KIFC1: variants seen among roughly 807,000 people sequenced by gnomAD.
KIFC1 encodes the protein kinesin family member C1.
In KIFC1, 37 loss-of-function variants were observed where a neutral mutation model predicts 66.6. That is an observed-to-expected ratio of 0.56 (90% CI 0.43 to 0.73). The LOEUF (loss-of-function observed/expected upper bound fraction) is 0.73, where lower values mean the gene tolerates loss of function less well. Ranked by LOEUF, KIFC1 falls within the 30% of genes least tolerant of loss-of-function variation. KIFC1 has a pLI of 0.00. For missense variants in KIFC1, 721 were observed against 859.8 expected (o/e 0.84, Z 2.02); for synonymous variants, 325 against 343.5 (o/e 0.95, Z 0.60).
chr6:33,392,873 G>C (rs1774858074), intron 1 of KIFC1, among the ~76,000 whole-genome samples: 1 of 152,206 alleles, frequency 6.6e-6, no homozygotes, highest in Non-Finnish European at 1.5e-5. Context: ...CTACATGCTA[G>C]GCGTGGTTGT....
chr6:33,406,291 A>G lies in KIFC1; in HGVS notation c.1632A>G (p.Leu544=). The G allele has an allele frequency of 6.2e-7, 1 of 1,614,172 alleles. No individual in the cohort carries two copies. Among genetic ancestry groups the G allele is most frequent in the Non-Finnish European group, 8.5e-7 (1 of 1,180,024 alleles). The change falls in exon 8 of 11, where the codon CTA becomes CTG. Residue 544 remains leucine, a synonymous_variant. Transcript: ENST00000428849. The surrounding 1 kb of genome is among the most constrained non-coding windows in gnomAD (Gnocchi z 4.5). ...CACGCAGCCACAGTGTATTCCAGCTACAGATTTCTGGGGAGCACTCCAGCC... is the reference window on the plus strand; with the variant it reads ...CACGCAGCCACAGTGTATTCCAGCTGCAGATTTCTGGGGAGCACTCCAGCC... ...RSSRSHSVFQ[L]QISGEHSSRG...
At position 33,404,115 on chromosome 6, in the gene KIFC1, C is replaced by A. The variant is rs747573670; in HGVS notation, c.742C>A (p.Leu248Ile). 29 of 1,609,874 alleles carry A rather than the reference C, an allele frequency of 1.8e-5. No homozygotes were observed. In the East Asian group the frequency reaches 6.5e-4, roughly 36 times the overall value. ...AGAACGGAGGGGACTGATGTCCCAA[C>A]TAGAGGAGAAGGAGGTAAGGGCCAG... is the stretch of plus-strand genomic sequence containing the variant. ...QEERRGLMSQ[L>I]EEKERRLQTS... The change falls in exon 6 of 11, where the codon CTA becomes ATA. Residue 248 changes from leucine (L) to isoleucine (I), a missense_variant. Transcript: ENST00000428849. This position sits in a 1 kb window ranked among gnomAD's most constrained non-coding sequence, Gnocchi z 4.0.
chr6:33,391,718 G>A (rs575967860), upstream of KIFC1: 7 of 598,010 alleles, frequency 1.2e-5, no homozygotes, highest in East Asian at 1.1e-4. Flanking sequence ...GTCGGGCGGG[G>A]TGTGGCTTCG....
rs1775636969 is a variant in KIFC1 at position 33,406,109 on chromosome 6, G to T, written c.1537-87G>T. The T allele has an allele frequency of 7.2e-6, 9 of 1,252,232 alleles. No individual in the cohort carries two copies. The South Asian group carries it at 1.2e-4, about 16-fold the overall frequency. 77.6% of individuals were successfully genotyped at this position (1,252,232 alleles called of 1,614,324 possible). A position where few individuals can be genotyped will look rare whatever the true frequency, so the allele number is the denominator to read the frequency against. On this transcript the variant is annotated intron_variant, in intron 7 of 10. Transcript: ENST00000428849. This position sits in a 1 kb window ranked among gnomAD's most constrained non-coding sequence, Gnocchi z 4.5. ...TGACAGGCTAGAAAGCTTCAAGAGGGTGGGGGTGGGCTCTTATTCATTTCC... is the reference window on the plus strand; with the variant it reads ...TGACAGGCTAGAAAGCTTCAAGAGGTTGGGGGTGGGCTCTTATTCATTTCC...
Position 33,403,305 on chromosome 6 carries a change from C to T in KIFC1, c.251-9C>T, listed in dbSNP as rs376327627. On this transcript the variant is annotated splice_polypyrimidine_tract_variant and intron_variant, in intron 3 of 10. Coordinates refer to ENST00000428849, the MANE Select transcript of KIFC1 (RefSeq NM_002263.4). This position sits in a 1 kb window ranked among gnomAD's most constrained non-coding sequence, Gnocchi z 4.6. ...ATTCTACCTTTGCTCTCTCCCATCT[C>T]CTGGGCAGCTCAAAAAGTTTCCAAG... The T allele has an allele frequency of 3.7e-6, 6 of 1,612,190 alleles. No individual in the cohort carries two copies. The highest frequency in any genetic ancestry group is 5.1e-6 in the Non-Finnish European group (6 of 1,179,254).
intron 1 of KIFC1, among the ~76,000 whole-genome samples, chr6:33,395,831 A>G (rs1775004550): frequency 6.6e-6 from 1 of 152,248 alleles, no homozygotes; most frequent in South Asian, 2.1e-4. Flanking sequence ...ACACTAAATT[A>G]AAATAAGCTT....
chr6:33,405,025 C>T lies in KIFC1; in HGVS notation c.930C>T (p.Asn310=), dbSNP rs1339547235. The part of the protein sequence containing the change: ...LHNQLQELKG[N]IRVFCRVRPV... ...ACCAGCTGCAGGAACTCAAGGGCAA[C>T]ATCCGTGTATTCTGCCGGGTCCGCC... Residue 310 remains asparagine (N), a synonymous_variant, in exon 7 of 11, where the codon AAC becomes AAT. Coordinates refer to ENST00000428849, the MANE Select transcript of KIFC1 (RefSeq NM_002263.4). The surrounding 1 kb of genome is among the most constrained non-coding windows in gnomAD (Gnocchi z 5.4). 6.2e-7 allele frequency: 1 copy of T among 1,614,056 alleles called. No homozygotes were observed. Among genetic ancestry groups the T allele is most frequent in the Non-Finnish European group, 8.5e-7 (1 of 1,180,030 alleles).
rs1033417895 is a variant in KIFC1, at chr6:33,401,956, C to T, written c.251-1358C>T. ...TCCTGACCCCTTGATCTGCCCACCTCGGCCTCCCAAAGTGCTGGGATTACA... is the reference window on the plus strand; with the variant it reads ...TCCTGACCCCTTGATCTGCCCACCTTGGCCTCCCAAAGTGCTGGGATTACA... On this transcript the variant is annotated intron_variant, in intron 3 of 10. Transcript: ENST00000428849. This position sits in a 1 kb window ranked among gnomAD's most constrained non-coding sequence, Gnocchi z 4.5. Among the ~76,000 whole-genome samples the T allele has an allele frequency of 4.6e-5, 7 of 152,180 alleles. No homozygotes were observed. Among genetic ancestry groups the T allele is most frequent in the African/African-American group, 7.2e-5 (3 of 41,454 alleles).
rs1374618874 is a variant in KIFC1 at position 33,409,754 on chromosome 6, T to TGTGTGTGTCC, written c.*64_*65insGTGTGTGTCC. The TGTGTGTGTCC allele has an allele frequency of 7.4e-6, 10 of 1,343,298 alleles. No homozygotes were observed. In the African/African-American group the frequency reaches 7.5e-5, roughly 10 times the overall value. The allele number at this position is 1,343,298 out of a possible 1,614,324, so 83.2% of individuals were successfully genotyped here. ...GTGTGTGTGTGTGTGTGTGTGTGTG[T>TGTGTGTGTCC]CCCTATGTCTATGTATCGGGTGAGG... is the stretch of plus-strand genomic sequence containing the variant. On this transcript the variant is annotated 3_prime_UTR_variant, in exon 11 of 11. Transcript: ENST00000428849.
chr6:33,405,413 C>T lies in KIFC1; in HGVS notation c.1318C>T (p.His440Tyr), dbSNP rs1775593781. 1 of 1,604,466 alleles carries T rather than the reference C, an allele frequency of 6.2e-7. No individual in the cohort carries two copies. Among genetic ancestry groups the T allele is most frequent in the Non-Finnish European group, 8.5e-7 (1 of 1,173,876 alleles). The change falls in exon 7 of 11, where the codon CAC becomes TAC. Residue 440 changes from histidine (H) to tyrosine (Y), a missense_variant. Physicochemically the swap from His to Tyr is moderately conservative, Grantham distance 83. Coordinates refer to ENST00000428849, the MANE Select transcript of KIFC1 (RefSeq NM_002263.4). The surrounding 1 kb of genome is among the most constrained non-coding windows in gnomAD (Gnocchi z 5.4). ...LEGLIPRALRHLFSVAQELSG... is the reference protein window; with the variant it reads ...LEGLIPRALRYLFSVAQELSG... ...GGGGCTGATCCCTCGGGCCCTGCGG[C>T]ACCTCTTCTCTGTGGCTCAGGAGCT...
rs181303555 is a variant in KIFC1 at position 33,398,201 on chromosome 6, G to T, written c.150+35G>T. On this transcript the variant is annotated intron_variant, in intron 2 of 10. Coordinates refer to ENST00000428849, the MANE Select transcript of KIFC1 (RefSeq NM_002263.4). ...GCATGGAGAGCTGTGCATGTGTGTGGGGGGTGTGTGTGTGTGAAAGAAAGG... is the reference window on the plus strand; with the variant it reads ...GCATGGAGAGCTGTGCATGTGTGTGTGGGGTGTGTGTGTGTGAAAGAAAGG... 1.2e-5 allele frequency: 20 copies of T among 1,613,706 alleles called. No homozygotes were observed. In the Admixed American group the frequency reaches 1.5e-4, roughly 12 times the overall value.
intron 1 of KIFC1, among the ~76,000 whole-genome samples, chr6:33,396,117 G>A (rs995167581): frequency 2.6e-5 from 4 of 152,200 alleles, no homozygotes; most frequent in African/African-American, 9.6e-5. Flanking sequence ...AGAAAACAGT[G>A]TATCAGGTTG....
rs1337102241 is a variant in KIFC1, at chr6:33,403,911, G to A, written c.538G>A (p.Ala180Thr). 6.2e-7 allele frequency: 1 copy of A among 1,614,234 alleles called. No individual in the cohort carries two copies. Among genetic ancestry groups the A allele is most frequent in the East Asian group, 2.2e-5 (1 of 44,888 alleles). The change falls in exon 6 of 11, where the codon GCC (alanine) becomes ACC (threonine). Residue 180 changes from alanine (A) to threonine (T), a missense_variant. By Grantham distance (58) the Ala-to-Thr change is moderately conservative. Transcript: ENST00000428849. The surrounding 1 kb of genome is among the most constrained non-coding windows in gnomAD (Gnocchi z 4.6). Reference sequence around the variant, plus strand: ...CAGAGATGCCCAGCAGCAGGTCAAGGCCCTGGGGACAGAGCGCACAACACT... The same window carrying A: ...CAGAGATGCCCAGCAGCAGGTCAAGACCCTGGGGACAGAGCGCACAACACT... ...QLRDAQQQVK[A>T]LGTERTTLEG...
chr6:33,392,068 G>GC, intron 1 of KIFC1, 71 bp downstream of exon 1: 2 of 1,541,216 alleles, frequency 1.3e-6, no homozygotes, highest in Non-Finnish European at 8.9e-7. Context: ...ATGCTGTCGC[G>GC]CCCCCGGCTC....
At position 33,401,787 on chromosome 6, in the gene KIFC1, C is replaced by T. The variant is rs142097672; in HGVS notation, c.251-1527C>T. The stretch of plus-strand genomic sequence containing the variant: ...CATGATCTCGGCTCACTGCAAGCTC[C>T]GTCTCCTGGGTTCACACCATTCTCC... On this transcript the variant is annotated intron_variant, in intron 3 of 10. Transcript: ENST00000428849. The surrounding 1 kb of genome is among the most constrained non-coding windows in gnomAD (Gnocchi z 4.5). Among the ~76,000 whole-genome samples, 3,518 of 152,084 alleles carry T rather than the reference C, an allele frequency of 0.023. 59 individuals carry two copies. Among genetic ancestry groups the T allele is most frequent in the Middle Eastern group, 0.061 (18 of 294 alleles).
Position 33,391,993 on chromosome 6 carries a change from C to A in KIFC1, c.8C>A (p.Pro3Gln). Residue 3 changes from proline (P) to glutamine (Q), a missense_variant, in exon 1 of 11, where the codon CCG (proline) becomes CAG (glutamine). Physicochemically the swap from Pro to Gln is moderately conservative, Grantham distance 76. Coordinates refer to ENST00000428849, the MANE Select transcript of KIFC1 (RefSeq NM_002263.4). ...TGTGGGACCGAGGTGGACATGGATC[C>A]GCAGGTGAGTAGGGGCGGCGCAGGT... MD[P>Q]QRSPLLEVKG... is the part of the protein sequence containing the mutation. 6.2e-7 allele frequency: 1 copy of A among 1,613,886 alleles called. No homozygotes were observed. The highest frequency in any genetic ancestry group is 8.5e-7 in the Non-Finnish European group (1 of 1,179,928).
In KIFC1 at chr6:33,398,300, G is replaced by C. The variant is rs997225025; in HGVS notation, c.163G>C (p.Gly55Arg). 8 of 1,614,084 alleles carry C rather than the reference G, an allele frequency of 5.0e-6. No individual in the cohort carries two copies. The highest frequency in any genetic ancestry group is 6.8e-6 in the Non-Finnish European group (8 of 1,180,012). The change falls in exon 3 of 11, where the codon GGC becomes CGC. Residue 55 changes from glycine (G) to arginine (R), a missense_variant. Transcript: ENST00000428849. ...GLEPEKKRTR[G>R]LGATTKITTS... ...TATCTTTCCCCAGAAACGGACAAGA[G>C]GCCTGGGTGCAACGACCAAAATTAC...
Position 33,405,075 on chromosome 6 carries a change from C to T in KIFC1, c.980C>T (p.Pro327Leu). Residue 327 changes from proline to leucine, a missense_variant, in exon 7 of 11, where the codon CCA becomes CTA. Physicochemically the swap from Pro to Leu is moderately conservative, Grantham distance 98. Transcript: ENST00000428849. This position sits in a 1 kb window ranked among gnomAD's most constrained non-coding sequence, Gnocchi z 5.4. ...VRPVLPGEPTPPPGLLLFPSG... is the reference protein window; with the variant it reads ...VRPVLPGEPTLPPGLLLFPSG... ...CCTGTCCTGCCGGGGGAGCCCACTC[C>T]ACCCCCTGGCCTCCTCCTGTTTCCC... is the stretch of plus-strand genomic sequence containing the variant. 6.2e-7 allele frequency: 1 copy of T among 1,614,114 alleles called. No individual in the cohort carries two copies. The highest frequency in any genetic ancestry group is 1.1e-5 in the South Asian group (1 of 91,086).
At chr6:33,407,238 GTC>G in intron 10 of KIFC1, 1 of 337,320 alleles carries the variant, frequency 3.0e-6, no homozygotes. Context: ...GTGAGACCCT[GTC>G]TCTACAAAAA....
Sources: allele counts gnomAD v4.1 joint callset (sites outside exome capture counted in the v4.1 genomes callset), GRCh38; gene constraint gnomAD v4.1.1; non-coding constraint Gnocchi (gnomAD v3.1); transcripts MANE v1.5; gene names NCBI Gene and HGNC (gene_info 2026-07-23, HGNC 2026-07-21).